The following ARHGAP31 variants were observed in gnomAD, a reference collection of about 807,000 sequenced individuals.
The protein encoded by ARHGAP31 is rho GTPase-activating protein 31.
A neutral mutation model predicts 113.9 loss-of-function variants in ARHGAP31; 34 were observed. That is an observed-to-expected ratio of 0.30 (90% confidence interval 0.23 to 0.40). The LOEUF (loss-of-function observed/expected upper bound fraction) is 0.40, where lower values mean the gene tolerates loss of function less well. Among genes scored for constraint, ARHGAP31 ranks in the 10% least tolerant of loss-of-function variants. ARHGAP31 has a pLI of 1.00. For synonymous variants in ARHGAP31, 650 were observed against 684.8 expected (o/e 0.95, Z 0.79); for missense variants, 1,548 against 1,767.1 (o/e 0.88, Z 2.22).
rs995170365 is a variant in ARHGAP31 at position 119,417,823 on chromosome 3, C to T, written c.*1559C>T. ...TGGTGCTGCCCAAAAAAGGACTTCA[C>T]AGGGCATCTCTTCTCAGGTTCAAGC... On this transcript the variant is annotated 3_prime_UTR_variant, in exon 12 of 12. Coordinates refer to ENST00000264245, the MANE Select transcript of ARHGAP31 (RefSeq NM_020754.4). 5.3e-5 allele frequency: 8 copies of T among 152,142 alleles called. No individual in the cohort carries two copies. Among genetic ancestry groups the T allele is most frequent in the African/African-American group, 9.7e-5 (4 of 41,424 alleles). 9.4% of individuals were successfully genotyped at this position (152,142 alleles called of 1,614,324 possible). A position where few individuals can be genotyped will look rare whatever the true frequency, so the allele number is the denominator to read the frequency against.
intron 3 of ARHGAP31, among the ~76,000 whole-genome samples, chr3:119,372,198 C>T (rs753081660): frequency 3.9e-5 from 6 of 151,986 alleles, no homozygotes; most frequent in Middle Eastern, 3.4e-3. Context: ...CTTTCCACAA[C>T]GGTTGAATTG....
chr3:119,417,473 C>T lies in ARHGAP31; in HGVS notation c.*1209C>T, dbSNP rs1170072124. 3.3e-5 allele frequency: 5 copies of T among 152,244 alleles called. No individual in the cohort carries two copies. The highest frequency in any genetic ancestry group is 4.4e-5 in the Non-Finnish European group (3 of 68,112). The allele number at this position is 152,244 out of a possible 1,614,324, so 9.4% of individuals were successfully genotyped here. A position where few individuals can be genotyped will look rare whatever the true frequency, so the allele number is the denominator to read the frequency against. On this transcript the variant is annotated 3_prime_UTR_variant, in exon 12 of 12. Coordinates refer to ENST00000264245, the MANE Select transcript of ARHGAP31 (RefSeq NM_020754.4). ...TCAAGAACAGATTTGAGGCCAGGTG[C>T]GGTGCCTCACATCTGTAATCCCAAC...
At chr3:119,365,461 C>T (rs2080245725) in intron 2 of ARHGAP31, 43 bp downstream of exon 2, 7 of 1,529,278 alleles carry the variant, frequency 4.6e-6, no homozygotes, top group Non-Finnish European at 6.3e-6. Context: ...CCCATGATTC[C>T]TCCTGTGTCC....
intron 1 of ARHGAP31, among the ~76,000 whole-genome samples, chr3:119,295,970 A>T (rs918605379): frequency 3.3e-5 from 5 of 152,204 alleles, no homozygotes; most frequent in African/African-American, 1.2e-4. Context: ...TGTCTTCAGA[A>T]GCTTCAGCGA....
rs1180613389 is a variant in ARHGAP31, at chr3:119,368,494, A to G, written c.326A>G (p.Tyr109Cys). The G allele has an allele frequency of 1.2e-6, 2 of 1,613,972 alleles. No individual in the cohort carries two copies. Among genetic ancestry groups the G allele is most frequent in the East Asian group, 2.2e-5 (1 of 44,888 alleles). Residue 109 changes from tyrosine to cysteine, a missense_variant, in exon 3 of 12, where the codon TAT (tyrosine) becomes TGT (cysteine). Tyr to Cys is a radical substitution (Grantham distance 194, BLOSUM62 -2). Transcript: ENST00000264245. The part of the protein sequence containing the change: ...FRELPNPLLT[Y>C]ELYEKFTEAV... ...GAGCTGCCCAACCCCCTCCTGACTT[A>G]TGAGCTCTATGAGAAATTCACGGTG...
At chr3:119,375,265 C>G (rs547329694) in intron 3 of ARHGAP31, among the ~76,000 whole-genome samples, 3 of 152,320 alleles carry the variant, frequency 2.0e-5, no homozygotes, top group East Asian at 3.9e-4. Flanking sequence ...AAGGTTTCAG[C>G]AGGGCGTGCT....
rs906118812 is a variant in ARHGAP31 at position 119,420,538 on chromosome 3, A to T, written c.*4274A>T. ...AGATCATTTAGTAATCTTGAGGTAC[A>T]TTAATAATGCAGAGATTACTTTTCT... On this transcript the variant is annotated 3_prime_UTR_variant, in exon 12 of 12. Coordinates refer to ENST00000264245, the MANE Select transcript of ARHGAP31 (RefSeq NM_020754.4). The T allele has an allele frequency of 6.6e-6, 1 of 152,186 alleles. No homozygotes were observed. Among genetic ancestry groups the T allele is most frequent in the Non-Finnish European group, 1.5e-5 (1 of 68,026 alleles). The allele number at this position is 152,186 out of a possible 1,614,324, so 9.4% of individuals were successfully genotyped here. A position where few individuals can be genotyped will look rare whatever the true frequency, so the allele number is the denominator to read the frequency against.
chr3:119,368,598 A>G (rs1022822102), intron 3 of ARHGAP31, 82 bp downstream of exon 3: 4 of 1,519,364 alleles, frequency 2.6e-6, no homozygotes, highest in Non-Finnish European at 3.6e-6. Context: ...AAATAACAAT[A>G]ATAACACTCA....
At chr3:119,331,541 C>G (rs1300414335) in intron 1 of ARHGAP31, among the ~76,000 whole-genome samples, 2 of 152,040 alleles carry the variant, frequency 1.3e-5, no homozygotes, top group African/African-American at 4.8e-5. Context: ...TATATAGTAC[C>G]TGCAAACGCT....
At position 119,329,823 on chromosome 3, in the gene ARHGAP31, A is replaced by G. The variant is rs905817332; in HGVS notation, c.100+34819A>G. On this transcript the variant is annotated intron_variant, in intron 1 of 11. Transcript: ENST00000264245. ...GTGACTGAACCATGAGCGTATTGAGAGGAGTCTGTCCGCACTGTCCCCACC... is the reference window on the plus strand; with the variant it reads ...GTGACTGAACCATGAGCGTATTGAGGGGAGTCTGTCCGCACTGTCCCCACC... 30 of 985,458 alleles carry G rather than the reference A, an allele frequency of 3.0e-5. No individual in the cohort carries two copies. In the African/African-American group the frequency reaches 4.0e-4, roughly 13 times the overall value. The allele number at this position is 985,458 out of a possible 1,614,324, so 61.0% of individuals were successfully genotyped here.
In ARHGAP31 at chr3:119,415,116, C is replaced by G; in HGVS notation, c.3187C>G (p.Pro1063Ala). The G allele has an allele frequency of 1.9e-6, 3 of 1,614,180 alleles. No individual in the cohort carries two copies. Among genetic ancestry groups the G allele is most frequent in the Non-Finnish European group, 2.5e-6 (3 of 1,180,038 alleles). ...SSPQIRQGGVPGPESSKESSP... is the reference protein window; with the variant it reads ...SSPQIRQGGVAGPESSKESSP... ...TCCACAGATTAGGCAAGGTGGTGTT[C>G]CTGGGCCAGAGAGCAGCAAGGAGAG... Residue 1063 changes from proline (P) to alanine (A), a missense_variant, in exon 12 of 12, where the codon CCT becomes GCT. Physicochemically the swap from Pro to Ala is conservative, Grantham distance 27. Coordinates refer to ENST00000264245, the MANE Select transcript of ARHGAP31 (RefSeq NM_020754.4).
intron 1 of ARHGAP31, among the ~76,000 whole-genome samples, chr3:119,307,094 A>G (rs1576986101): frequency 1.3e-5 from 2 of 151,074 alleles, no homozygotes; most frequent in Admixed American, 6.6e-5. Context: ...CAATTAACCT[A>G]TCCGCAGTGT....
intron 1 of ARHGAP31, among the ~76,000 whole-genome samples, chr3:119,351,031 G>A (rs2080105752): frequency 6.6e-6 from 1 of 152,148 alleles, no homozygotes; most frequent in South Asian, 2.1e-4. Flanking sequence ...CAAGGATCCA[G>A]AAATCATTTG....
In ARHGAP31 at chr3:119,413,970, C is replaced by T. The variant is rs371951976; in HGVS notation, c.2041C>T (p.Pro681Ser). The T allele has an allele frequency of 6.2e-7, 1 of 1,614,052 alleles. No individual in the cohort carries two copies. Among genetic ancestry groups the T allele is most frequent in the African/African-American group, 1.3e-5 (1 of 74,908 alleles). ...GCCACCTCCTGCTCTGAAGACCAGC[C>T]CAATTCAGCCTATTCTCGAGTCGAG... ...SLPPPALKTS[P>S]IQPILESSLG... Residue 681 changes from proline to serine, a missense_variant, in exon 12 of 12, where the codon CCA (proline) becomes TCA (serine). Transcript: ENST00000264245.
At chr3:119,329,857 A>G (rs1209791103) in intron 1 of ARHGAP31, 1 of 985,500 alleles carries the variant, frequency 1.0e-6, no homozygotes, top group Non-Finnish European at 1.2e-6. Flanking sequence ...CCAAAGTGTT[A>G]TCCAAGCCTC....
At chr3:119,327,166 C>T (rs2079852415) in intron 1 of ARHGAP31, among the ~76,000 whole-genome samples, 1 of 151,452 alleles carries the variant, frequency 6.6e-6, no homozygotes, top group East Asian at 1.9e-4. Flanking sequence ...CCAAAAACCA[C>T]AGCAAAAAAA....
intron 1 of ARHGAP31, among the ~76,000 whole-genome samples, chr3:119,361,541 C>A (rs573330138): frequency 7.2e-5 from 11 of 152,232 alleles, no homozygotes; most frequent in African/African-American, 2.4e-4. Context: ...GCCACCACAC[C>A]TGGCAAATTT....
intron 6 of ARHGAP31, among the ~76,000 whole-genome samples, chr3:119,384,705 G>C (rs961029781): frequency 6.6e-6 from 1 of 152,144 alleles, no homozygotes; most frequent in African/African-American, 2.4e-5. Flanking sequence ...ACCTCATAAA[G>C]GTCGCACCTC....
chr3:119,386,716 T>A (rs1002195590), intron 6 of ARHGAP31, among the ~76,000 whole-genome samples: 4 of 152,138 alleles, frequency 2.6e-5, no homozygotes, highest in African/African-American at 9.7e-5. Context: ...CGCTGTTATT[T>A]ATTGGATACA....
Sources: allele counts gnomAD v4.1 joint callset (sites outside exome capture counted in the v4.1 genomes callset), GRCh38; gene constraint gnomAD v4.1.1; transcripts MANE v1.5; gene names NCBI Gene and HGNC (gene_info 2026-07-23, HGNC 2026-07-21).